KCNJ6: variants seen among roughly 807,000 people sequenced by gnomAD.
The protein encoded by KCNJ6 is potassium inwardly rectifying channel subfamily J member 6.
A neutral mutation model predicts 34.2 loss-of-function variants in KCNJ6; 9 were observed. The observed-to-expected ratio is 0.26, with a 90% CI of 0.16 to 0.46. The LOEUF is 0.46. Among genes scored for constraint, KCNJ6 ranks in the 20% least tolerant of loss-of-function variants. KCNJ6 has a pLI of 1.00. For synonymous variants in KCNJ6, 196 were observed against 207.1 expected, an observed-to-expected ratio of 0.95 and a Z score of 0.46; for missense variants, 236 against 531.3, an observed-to-expected ratio of 0.44 and a Z score of 5.46.
At chr21:37,837,872 ATATTTAATTAGT>A (rs2055459851) in intron 2 of KCNJ6, among the ~76,000 whole-genome samples, 1 of 152,196 alleles carries the variant, frequency 6.6e-6, no homozygotes, top group East Asian at 1.9e-4. Flanking sequence ...AGTGTGTGGT[ATATTTAATTAGT>A]CATGAGTTTA....
At chr21:37,857,030 A>G (rs951260398) in intron 1 of KCNJ6, among the ~76,000 whole-genome samples, 2 of 152,232 alleles carry the variant, frequency 1.3e-5, no homozygotes, top group African/African-American at 4.8e-5. Flanking sequence ...GACCCACTGA[A>G]TCAAAATCTC....
At chr21:37,771,138 C>T (rs1008328670) in intron 2 of KCNJ6, among the ~76,000 whole-genome samples, 2 of 152,144 alleles carry the variant, frequency 1.3e-5, no homozygotes, top group African/African-American at 4.8e-5. Flanking sequence ...AGTTGATAGG[C>T]GTGGTCTTTG....
intron 3 of KCNJ6, among the ~76,000 whole-genome samples, chr21:37,638,976 C>T (rs1364701127): frequency 6.6e-6 from 1 of 152,218 alleles, no homozygotes; most frequent in East Asian, 1.9e-4. Context: ...AGACTCAGAC[C>T]TCACAGCTAA....
At chr21:37,761,575 AGTGT>A (rs944652469) in intron 2 of KCNJ6, among the ~76,000 whole-genome samples, 9 of 125,104 alleles carry the variant, frequency 7.2e-5, no homozygotes, top group African/African-American at 2.6e-4. Context: ...GTGTGTATGT[AGTGT>A]GTGTGTATAT....
intron 3 of KCNJ6, among the ~76,000 whole-genome samples, chr21:37,713,884 C>G (rs1213680065): frequency 6.6e-6 from 1 of 152,140 alleles, no homozygotes; most frequent in African/African-American, 2.4e-5. Flanking sequence ...TTTAAATTAG[C>G]AATGTTTTAA....
At chr21:37,626,068 G>A (rs2123362200) in intron 3 of KCNJ6, among the ~76,000 whole-genome samples, 1 of 151,974 alleles carries the variant, frequency 6.6e-6, no homozygotes, top group African/African-American at 2.4e-5. Flanking sequence ...CTTTACTTAG[G>A]CCCAGTGGTC....
At position 37,612,123 on chromosome 21, in the gene KCNJ6, C is replaced by T. The variant is rs2054244737; in HGVS notation, c.*13036G>A. On this transcript the variant is annotated 3_prime_UTR_variant, in exon 4 of 4. Coordinates refer to ENST00000609713, the MANE Select transcript of KCNJ6 (RefSeq NM_002240.5). The stretch of plus-strand genomic sequence containing the variant: ...ACCAAAAAACAAAACAAAAACAAGC[C>T]CCAGAACCTTCCTGGAACTAATAAG... 1 of 151,916 alleles carries T rather than the reference C, an allele frequency of 6.6e-6. No individual in the cohort carries two copies. The highest frequency in any genetic ancestry group is 1.5e-5 in the Non-Finnish European group (1 of 67,952). The allele number at this position is 151,916 out of a possible 1,614,324, so 9.4% of individuals were successfully genotyped here.
intron 3 of KCNJ6, among the ~76,000 whole-genome samples, chr21:37,688,879 T>C (rs1464154996): frequency 1.3e-5 from 2 of 152,166 alleles, no homozygotes; most frequent in Non-Finnish European, 1.5e-5. Context: ...AAGTATCACA[T>C]CCAAAGAGGG....
chr21:37,653,096 G>A (rs767376790), intron 3 of KCNJ6, among the ~76,000 whole-genome samples: 8 of 152,152 alleles, frequency 5.3e-5, no homozygotes, highest in Admixed American at 3.3e-4. Flanking sequence ...CAGCTCAAGT[G>A]CAGCTCACAG....
intron 1 of KCNJ6, among the ~76,000 whole-genome samples, chr21:37,879,489 C>T (rs1369592970): frequency 6.6e-6 from 1 of 152,100 alleles, no homozygotes; most frequent in African/African-American, 2.4e-5. Flanking sequence ...TGGCTACTCC[C>T]AGCTCCATCC....
intron 2 of KCNJ6, among the ~76,000 whole-genome samples, chr21:37,801,202 G>C (rs759989104): frequency 6.6e-6 from 1 of 152,182 alleles, no homozygotes; most frequent in Non-Finnish European, 1.5e-5. Flanking sequence ...CATTTTGCCT[G>C]AGTTATCTTG....
At position 37,615,382 on chromosome 21, in the gene KCNJ6, C is replaced by T. The variant is rs531350854; in HGVS notation, c.*9777G>A. 2 of 152,468 alleles carry T rather than the reference C, an allele frequency of 1.3e-5. No individual in the cohort carries two copies. The highest frequency in any genetic ancestry group is 2.9e-5 in the Non-Finnish European group (2 of 68,280). The allele number at this position is 152,468 out of a possible 1,614,324, so 9.4% of individuals were successfully genotyped here. A position where few individuals can be genotyped will look rare whatever the true frequency, so the allele number is the denominator to read the frequency against. The stretch of plus-strand genomic sequence containing the variant: ...TCACGCCATTCTCCTGCCTCAGCCT[C>T]CCGAGTACCCAGCATTCTTAAGCAG... On this transcript the variant is annotated 3_prime_UTR_variant, in exon 4 of 4. Coordinates refer to ENST00000609713, the MANE Select transcript of KCNJ6 (RefSeq NM_002240.5).
chr21:37,662,460 T>C (rs2850123), intron 3 of KCNJ6, among the ~76,000 whole-genome samples: 89,423 of 152,036 alleles, frequency 0.59, 26,574 homozygotes, highest in East Asian at 0.85. Flanking sequence ...TTTATGGCTG[T>C]ATAGTATTCC....
chr21:37,839,485 C>T (rs191610333), intron 2 of KCNJ6, among the ~76,000 whole-genome samples: 206 of 152,228 alleles, frequency 1.4e-3, no homozygotes, highest in African/African-American at 4.7e-3. Flanking sequence ...GATTCACTTA[C>T]CATGCTACAG....
At chr21:37,873,969 C>T (rs1000472047) in intron 1 of KCNJ6, among the ~76,000 whole-genome samples, 3 of 152,178 alleles carry the variant, frequency 2.0e-5, no homozygotes, top group Admixed American at 6.5e-5. Flanking sequence ...CGTCTTATCT[C>T]CACTCCCTCT....
chr21:37,894,991 T>C (rs1235135806), intron 1 of KCNJ6, among the ~76,000 whole-genome samples: 3 of 152,216 alleles, frequency 2.0e-5, no homozygotes, highest in South Asian at 2.1e-4. Context: ...CAGATTGGTC[T>C]CAAACTCCTA....
intron 2 of KCNJ6, among the ~76,000 whole-genome samples, chr21:37,737,171 G>A (rs2054917407): frequency 6.6e-6 from 1 of 152,144 alleles, no homozygotes; most frequent in African/African-American, 2.4e-5. Flanking sequence ...GTGCCCGATG[G>A]CAAGAGAAGA....
intron 1 of KCNJ6, among the ~76,000 whole-genome samples, chr21:37,868,288 G>A (rs2055633084): frequency 6.6e-6 from 1 of 152,216 alleles, no homozygotes; most frequent in East Asian, 1.9e-4. Context: ...AGTTGTATGA[G>A]ATCTGCGATT....
chr21:37,884,410 T>C (rs986316071), intron 1 of KCNJ6, among the ~76,000 whole-genome samples: 5 of 152,182 alleles, frequency 3.3e-5, no homozygotes, highest in African/African-American at 1.2e-4. Context: ...TCTCTCTGCA[T>C]CTCAGCTTCC....
Sources: allele counts gnomAD v4.1 joint callset (sites outside exome capture counted in the v4.1 genomes callset), GRCh38; gene constraint gnomAD v4.1.1; transcripts MANE v1.5; gene names NCBI Gene and HGNC (gene_info 2026-07-23, HGNC 2026-07-21).